GABRA5: variants seen among roughly 807,000 people sequenced by gnomAD.
GABRA5 encodes the protein gamma-aminobutyric acid type A receptor subunit alpha5.
In GABRA5, 18 loss-of-function variants were observed where a neutral mutation model predicts 47.3. The ratio of observed to expected loss-of-function variants is 0.38; its 90% CI spans 0.26 to 0.56. The LOEUF (loss-of-function observed/expected upper bound fraction) is 0.56. Ranked by LOEUF, GABRA5 falls within the 20% of genes least tolerant of loss-of-function variation. The pLI is 0.71. For synonymous variants in GABRA5, 237 were observed against 229.3 expected, an observed-to-expected ratio of 1.03 and a Z score of -0.30; for missense variants, 365 against 599.3, an observed-to-expected ratio of 0.61 and a Z score of 4.08.
chr15:26,928,841 T>C (rs1275676179), intron 7 of GABRA5, among the ~76,000 whole-genome samples: 1 of 152,176 alleles, frequency 6.6e-6, no homozygotes, highest in Non-Finnish European at 1.5e-5. Context: ...GAGGGCCTGC[T>C]TTCTGGTTAA....
At chr15:26,872,076 A>G (rs1181689822) in intron 3 of GABRA5, among the ~76,000 whole-genome samples, 2 of 152,220 alleles carry the variant, frequency 1.3e-5, no homozygotes, top group Non-Finnish European at 2.9e-5. Context: ...CAGCCACAAA[A>G]GACATCATAA....
intron 7 of GABRA5, 150 bp downstream of exon 7, chr15:26,915,035 C>T: frequency 1.5e-6 from 1 of 684,806 alleles, no homozygotes; most frequent in Non-Finnish European, 2.6e-6. Flanking sequence ...TCTCCCCAGA[C>T]TAGCTTTCTT....
intron 6 of GABRA5, among the ~76,000 whole-genome samples, chr15:26,899,181 C>A (rs1005330428): frequency 6.6e-6 from 1 of 152,138 alleles, no homozygotes; most frequent in South Asian, 2.1e-4. Context: ...TTTAAAATTT[C>A]TCTTATGATG....
intron 6 of GABRA5, among the ~76,000 whole-genome samples, chr15:26,898,210 A>G (rs912341074): frequency 1.3e-5 from 2 of 152,220 alleles, no homozygotes; most frequent in South Asian, 2.1e-4. Flanking sequence ...GTTTCCAAGT[A>G]TGGAAAAACA....
intron 3 of GABRA5, chr15:26,877,596 A>G: frequency 2.2e-6 from 1 of 444,970 alleles, no homozygotes; most frequent in Non-Finnish European, 4.5e-6. Flanking sequence ...CATATAAGAG[A>G]AGCACGTCAC....
At chr15:26,914,205 T>G (rs1195549723) in intron 6 of GABRA5, among the ~76,000 whole-genome samples, 1 of 152,140 alleles carries the variant, frequency 6.6e-6, no homozygotes, top group African/African-American at 2.4e-5. Flanking sequence ...TGTTATGATA[T>G]TACAGGTTCA....
At chr15:26,929,714 G>T (rs1019680588) in intron 7 of GABRA5, among the ~76,000 whole-genome samples, 1 of 152,182 alleles carries the variant, frequency 6.6e-6, no homozygotes, top group Non-Finnish European at 1.5e-5. Context: ...GTGCTGGAGA[G>T]CAGGGAGCAG....
At chr15:26,915,693 C>A (rs1893701855) in intron 7 of GABRA5, among the ~76,000 whole-genome samples, 1 of 152,178 alleles carries the variant, frequency 6.6e-6, no homozygotes, top group African/African-American at 2.4e-5. Flanking sequence ...TTCCATCTTT[C>A]TTTCTACTCT....
In GABRA5 at chr15:26,883,420, C is replaced by T. The variant is rs1566866227; in HGVS notation, c.360C>T (p.Leu120=). 1 of 1,614,134 alleles carries T rather than the reference C, an allele frequency of 6.2e-7. No homozygotes were observed. Among genetic ancestry groups the T allele is most frequent in the South Asian group, 1.1e-5 (1 of 91,084 alleles). Residue 120 remains leucine (L), a synonymous_variant, in exon 6 of 11, where the codon CTC becomes CTT. Coordinates refer to ENST00000335625, the MANE Select transcript of GABRA5 (RefSeq NM_000810.4). The surrounding 1 kb of genome is among the most constrained non-coding windows in gnomAD (Gnocchi z 4.8). ...RFKGPMQRLP[L]NNLLASKIWT... ...AGGGGCCCATGCAGCGCCTCCCTCT[C>T]AACAACCTCCTTGCCAGCAAGATCT...
At chr15:26,891,728 C>T (rs1893011040) in intron 6 of GABRA5, among the ~76,000 whole-genome samples, 2 of 152,222 alleles carry the variant, frequency 1.3e-5, no homozygotes, top group South Asian at 4.1e-4. Flanking sequence ...TGCGCTCAGC[C>T]TCAGGTCCTC....
chr15:26,882,399 G>A (rs1241569857), intron 4 of GABRA5, among the ~76,000 whole-genome samples: 1 of 152,164 alleles, frequency 6.6e-6, no homozygotes, highest in Non-Finnish European at 1.5e-5. Context: ...GCGAGCTGCT[G>A]GAGAGGCAGG....
intron 7 of GABRA5, among the ~76,000 whole-genome samples, chr15:26,921,217 T>A (rs1370895240): frequency 6.6e-6 from 1 of 152,178 alleles, no homozygotes; most frequent in Non-Finnish European, 1.5e-5. Context: ...TTTAAGATGT[T>A]TGTTACAATT....
chr15:26,917,638 A>G (rs1893749644), intron 7 of GABRA5, among the ~76,000 whole-genome samples: 1 of 152,096 alleles, frequency 6.6e-6, no homozygotes, highest in African/African-American at 2.4e-5. Flanking sequence ...AAGGATTGGC[A>G]TTAATTCTTC....
chr15:26,909,774 A>C (rs746720461), intron 6 of GABRA5, among the ~76,000 whole-genome samples: 130 of 152,360 alleles, frequency 8.5e-4, no homozygotes, highest in Middle Eastern at 3.4e-3. Context: ...AGATCCTTAA[A>C]TGAATCACAT....
Position 26,918,832 on chromosome 15 carries a change from G to A in GABRA5, c.580+3947G>A, listed in dbSNP as rs192256931. 9.2e-4 allele frequency among the ~76,000 whole-genome samples: 140 copies of A among 152,130 alleles called. 1 individual carries two copies. Among genetic ancestry groups the A allele is most frequent in the African/African-American group, 3.3e-3 (137 of 41,504 alleles). On this transcript the variant is annotated intron_variant, in intron 7 of 10. Transcript: ENST00000335625. ...TTCCATCCCTTCATTTTCAGTCTATGTGTGTCCTTAAATCTACTGTGAGTT... is the reference window on the plus strand; with the variant it reads ...TTCCATCCCTTCATTTTCAGTCTATATGTGTCCTTAAATCTACTGTGAGTT...
At chr15:26,927,255 C>T (rs947332064) in intron 7 of GABRA5, among the ~76,000 whole-genome samples, 2 of 150,412 alleles carry the variant, frequency 1.3e-5, no homozygotes, top group Admixed American at 1.3e-4. Flanking sequence ...AGGTGCCCGC[C>T]ACCATGTCCA....
At chr15:26,922,154 CATT>C (rs1039705289) in intron 7 of GABRA5, among the ~76,000 whole-genome samples, 28 of 152,266 alleles carry the variant, frequency 1.8e-4, no homozygotes, top group African/African-American at 6.0e-4. Flanking sequence ...TTTTCTGTCT[CATT>C]GTTGTGGATC....
chr15:26,869,349 G>T lies in GABRA5; in HGVS notation c.86+15G>T. On this transcript the variant is annotated intron_variant, in intron 3 of 10. Coordinates refer to ENST00000335625, the MANE Select transcript of GABRA5 (RefSeq NM_000810.4). ...AGTCACTTTGGGTAAGTTACCATCTGTGCTTTTATTTTATGATGTTAGGGA... is the reference window on the plus strand; with the variant it reads ...AGTCACTTTGGGTAAGTTACCATCTTTGCTTTTATTTTATGATGTTAGGGA... 1 of 1,507,282 alleles carries T rather than the reference G, an allele frequency of 6.6e-7. No individual in the cohort carries two copies. The highest frequency in any genetic ancestry group is 1.1e-5 in the South Asian group (1 of 88,786). 93.4% of individuals were successfully genotyped at this position (1,507,282 alleles called of 1,614,324 possible).
chr15:26,884,478 GA>G (rs1220770607), intron 6 of GABRA5, among the ~76,000 whole-genome samples: 1 of 151,696 alleles, frequency 6.6e-6, no homozygotes, highest in African/African-American at 2.4e-5. Flanking sequence ...TTTTTAAATT[GA>G]AAAAAACAGC....
Sources: allele counts gnomAD v4.1 joint callset (sites outside exome capture counted in the v4.1 genomes callset), GRCh38; gene constraint gnomAD v4.1.1; non-coding constraint Gnocchi (gnomAD v3.1); transcripts MANE v1.5; gene names NCBI Gene and HGNC (gene_info 2026-07-23, HGNC 2026-07-21).